SMARCA5: variants seen among roughly 807,000 people sequenced by gnomAD.
The protein encoded by SMARCA5 is SNF2 related chromatin remodeling ATPase 5, also known as SWI/SNF-related matrix-associated actin-dependent regulator of chromatin subfamily A member 5.
SMARCA5 carries 18 observed loss-of-function variants against 140.4 expected under a neutral mutation model. The ratio of observed to expected loss-of-function variants is 0.13; its 90% CI spans 0.09 to 0.19. The LOEUF (loss-of-function observed/expected upper bound fraction) is 0.19. SMARCA5 is among the 10% of genes least tolerant of loss of function. The probability of loss-of-function intolerance (pLI) is 1.00; values close to 1 mark genes in which losing one functional copy is unlikely to be tolerated. For synonymous variants in SMARCA5, 449 were observed against 419.6 expected (o/e 1.07, Z -0.86); for missense variants, 606 against 1,276.8 (o/e 0.47, Z 8.01).
At chr4:143,532,866 G>C (rs147716118) in intron 9 of SMARCA5, among the ~76,000 whole-genome samples, 242 of 152,270 alleles carry the variant, frequency 1.6e-3, no homozygotes, top group African/African-American at 5.5e-3. Flanking sequence ...GACAATGCTA[G>C]AAGAGAACCG....
rs138592062 is a variant in SMARCA5 at position 143,527,803 on chromosome 4, G to A, written c.802-65G>A. On this transcript the variant is annotated intron_variant, in intron 6 of 23. Transcript: ENST00000283131. ...CCTCTTTTTATATACTAGATTACTT[G>A]TCATCAGTAAATGTAATGCGTAGTT... 557 of 1,342,968 alleles carry A rather than the reference G, an allele frequency of 4.1e-4. 4 individuals carry two copies. The East Asian group carries it at 0.011, about 26-fold the overall frequency. 83.2% of individuals were successfully genotyped at this position (1,342,968 alleles called of 1,614,324 possible). A position where few individuals can be genotyped will look rare whatever the true frequency, so the allele number is the denominator to read the frequency against.
intron 1 of SMARCA5, among the ~76,000 whole-genome samples, chr4:143,515,168 A>T (rs149086103): frequency 6.6e-6 from 1 of 152,206 alleles, no homozygotes. Context: ...ATGCAGAATC[A>T]TTATACAGTA....
chr4:143,531,899 G>A (rs562620511), intron 9 of SMARCA5, among the ~76,000 whole-genome samples: 4 of 152,216 alleles, frequency 2.6e-5, no homozygotes, highest in Non-Finnish European at 5.9e-5. Context: ...CAGCCAGGCT[G>A]AGGCTGGCCT....
In SMARCA5 at chr4:143,526,308, T is replaced by G. The variant is rs945618863; in HGVS notation, c.649T>G (p.Ser217Ala). ...MGLGKTLQTISLLGYMKHYRN... is the reference protein window; with the variant it reads ...MGLGKTLQTIALLGYMKHYRN... ...CCTAGGAAAGACTCTTCAAACAATT[T>G]CTCTTCTTGGGTACATGAAACATTA... Residue 217 changes from serine to alanine, a missense_variant, in exon 6 of 24, where the codon TCT (serine) becomes GCT (alanine). Ser to Ala is a moderately conservative substitution (Grantham distance 99). This residue lies in a region of SMARCA5 where 110 missense variants were observed against 287.7 expected (regional missense o/e 0.38). Transcript: ENST00000283131. 15 of 1,614,006 alleles carry G rather than the reference T, an allele frequency of 9.3e-6. No individual in the cohort carries two copies. The highest frequency in any genetic ancestry group is 9.3e-6 in the Non-Finnish European group (11 of 1,179,946).
intron 10 of SMARCA5, 55 bp from the exon 11 acceptor site, chr4:143,536,397 C>A: frequency 8.4e-7 from 1 of 1,197,026 alleles, no homozygotes; most frequent in South Asian, 1.2e-5. Context: ...TGTAAAGTGG[C>A]AGGGATTGAT....
intron 1 of SMARCA5, among the ~76,000 whole-genome samples, chr4:143,515,532 C>T (rs577765995): frequency 6.6e-6 from 1 of 152,276 alleles, no homozygotes; most frequent in East Asian, 1.9e-4. Context: ...TTTTCCTCAG[C>T]TTCTCAAAGG....
intron 15 of SMARCA5, 38 bp downstream of exon 15, chr4:143,543,695 G>A: frequency 6.4e-7 from 1 of 1,559,862 alleles, no homozygotes; most frequent in Non-Finnish European, 8.7e-7. Flanking sequence ...AATATAGAAT[G>A]TTTTAGACCA....
chr4:143,528,220 C>T lies in SMARCA5; in HGVS notation c.957+197C>T, dbSNP rs532785638. Among the ~76,000 whole-genome samples the T allele has an allele frequency of 3.3e-5, 5 of 152,242 alleles. No homozygotes were observed. The East Asian group carries it at 5.8e-4, about 18-fold the overall frequency. ...GCCCCGCATGCATTAGGTATTTGTC[C>T]TAATGCTCTCCCTCTGCTTTCTCCC... On this transcript the variant is annotated intron_variant, in intron 7 of 23. Coordinates refer to ENST00000283131, the MANE Select transcript of SMARCA5 (RefSeq NM_003601.4).
At chr4:143,534,683 C>G (rs1737268027) in intron 9 of SMARCA5, among the ~76,000 whole-genome samples, 172 bp from the exon 10 acceptor site, 2 of 152,154 alleles carry the variant, frequency 1.3e-5, no homozygotes, top group Non-Finnish European at 2.9e-5. Context: ...AGGAACTAGT[C>G]TCCCACAGAT....
At chr4:143,525,937 A>G (rs1578794353) in intron 5 of SMARCA5, among the ~76,000 whole-genome samples, 2 of 152,200 alleles carry the variant, frequency 1.3e-5, no homozygotes, top group East Asian at 3.8e-4. Flanking sequence ...TTATGTAATG[A>G]ATGTTTAAAA....
intron 1 of SMARCA5, among the ~76,000 whole-genome samples, chr4:143,514,812 AG>A (rs1441977020): frequency 6.6e-6 from 1 of 152,126 alleles, no homozygotes; most frequent in Non-Finnish European, 1.5e-5. Flanking sequence ...TTAGAGAACC[AG>A]GCGCAGTTGG....
chr4:143,517,564 T>G (rs1369639929), intron 2 of SMARCA5, 135 bp downstream of exon 2: 2 of 552,500 alleles, frequency 3.6e-6, no homozygotes, highest in Non-Finnish European at 6.2e-6. Context: ...GAAACGAAAT[T>G]TATTTCTTAG....
rs941462080 is a variant in SMARCA5 at position 143,556,357 on chromosome 4, T to G, written c.*3173T>G. ...AAGCATTGTAAAACACCCCTGTGGT[T>G]TTTCAGAAAAATTCTGAGTAAAAAA... is the stretch of plus-strand genomic sequence containing the variant. On this transcript the variant is annotated 3_prime_UTR_variant, in exon 24 of 24. Coordinates refer to ENST00000283131, the MANE Select transcript of SMARCA5 (RefSeq NM_003601.4). 6.6e-6 allele frequency: 1 copy of G among 152,200 alleles called. No individual in the cohort carries two copies. The highest frequency in any genetic ancestry group is 2.4e-5 in the African/African-American group (1 of 41,454). The allele number at this position is 152,200 out of a possible 1,614,324, so 9.4% of individuals were successfully genotyped here. A position where few individuals can be genotyped will look rare whatever the true frequency, so the allele number is the denominator to read the frequency against.
At chr4:143,537,028 C>G (rs1259737865) in intron 11 of SMARCA5, among the ~76,000 whole-genome samples, 1 of 152,118 alleles carries the variant, frequency 6.6e-6, no homozygotes, top group Non-Finnish European at 1.5e-5. Flanking sequence ...GTGGTGTGTT[C>G]ATGATATTGT....
chr4:143,517,727 A>G (rs1455475308), intron 2 of SMARCA5, among the ~76,000 whole-genome samples: 1 of 152,142 alleles, frequency 6.6e-6, no homozygotes, highest in Non-Finnish European at 1.5e-5. Context: ...TCCTCCTGAG[A>G]TACTGACAGT....
Position 143,554,872 on chromosome 4 carries a change from C to T in SMARCA5, c.*1688C>T, listed in dbSNP as rs1366622791. The T allele has an allele frequency of 2.2e-5, 5 of 224,646 alleles. No homozygotes were observed. The highest frequency in any genetic ancestry group is 1.3e-4 in the South Asian group (2 of 15,676). 13.9% of individuals were successfully genotyped at this position (224,646 alleles called of 1,614,324 possible). ...GGGAGGGAGATACACAGTGGAAATG[C>T]AAAATGAATCAAGTATAGTGGTAGC... On this transcript the variant is annotated 3_prime_UTR_variant, in exon 24 of 24. Coordinates refer to ENST00000283131, the MANE Select transcript of SMARCA5 (RefSeq NM_003601.4).
At chr4:143,523,231 T>A (rs538611458) in intron 3 of SMARCA5, among the ~76,000 whole-genome samples, 65 of 152,292 alleles carry the variant, frequency 4.3e-4, no homozygotes, top group Non-Finnish European at 7.9e-4. Flanking sequence ...TTCACCATGT[T>A]GGCCAGGCTA....
In SMARCA5 at chr4:143,553,431, A is replaced by G; in HGVS notation, c.*247A>G. Reference sequence around the variant, plus strand: ...CATTTATTACTAAGTGTTTCATTTGATTTATTTTTCTATTGTAGTTCCATT... The same window carrying G: ...CATTTATTACTAAGTGTTTCATTTGGTTTATTTTTCTATTGTAGTTCCATT... On this transcript the variant is annotated 3_prime_UTR_variant, in exon 24 of 24. Transcript: ENST00000283131. 1 of 360,810 alleles carries G rather than the reference A, an allele frequency of 2.8e-6. No individual in the cohort carries two copies. The highest frequency in any genetic ancestry group is 5.0e-6 in the Non-Finnish European group (1 of 199,006). The allele number at this position is 360,810 out of a possible 1,614,324, so 22.4% of individuals were successfully genotyped here.
intron 5 of SMARCA5, among the ~76,000 whole-genome samples, chr4:143,525,799 A>G (rs1186849471): frequency 6.6e-6 from 1 of 152,228 alleles, no homozygotes; most frequent in Non-Finnish European, 1.5e-5. Context: ...TTATAGTACA[A>G]TGATTTATTT....
Sources: gnomAD v4.1 joint callset for allele counts (sites outside exome capture counted in the v4.1 genomes callset) on GRCh38, gnomAD v4.1.1 for gene constraint, gnomAD v4.1.1 regional missense constraint, MANE v1.5 for transcripts, NCBI Gene and HGNC (gene_info 2026-07-23, HGNC 2026-07-21) for gene names.